Variants in PIAS1 observed in about 807,000 individuals in gnomAD.
PIAS1 encodes the protein E3 SUMO-protein ligase PIAS1.
A neutral mutation model predicts 71.3 loss-of-function variants in PIAS1; 6 were observed. The observed-to-expected ratio is 0.08, with a 90% CI of 0.05 to 0.17. PIAS1 has a LOEUF of 0.17. PIAS1 is among the 10% of genes least tolerant of loss of function. PIAS1 has a pLI of 1.00. For missense variants in PIAS1, 555 were observed against 793.6 expected (o/e 0.70, Z 3.61); for synonymous variants, 303 against 292.9 (o/e 1.03, Z -0.35).
At chr15:68,110,596 C>G (rs564045916) in intron 2 of PIAS1, among the ~76,000 whole-genome samples, 26 of 151,440 alleles carry the variant, frequency 1.7e-4, no homozygotes, top group Admixed American at 5.9e-4. Context: ...AACTTCTTCT[C>G]CAAAAAGAAA....
At chr15:68,142,263 T>C (rs762198883) in intron 3 of PIAS1, 27 bp from the exon 4 acceptor site, 17 of 1,574,848 alleles carry the variant, frequency 1.1e-5, no homozygotes, top group African/African-American at 1.3e-5. Flanking sequence ...TTAAAAGTAA[T>C]TGTAATTCCT....
rs953521278 is a variant in PIAS1, at chr15:68,187,948, T to G, written c.*113T>G. Reference sequence around the variant, plus strand: ...CTGTTTAGAAAAGTATACAAGCGTGTTTTTTTTCCTTTTTTTAGGGAAAAA... The same window carrying G: ...CTGTTTAGAAAAGTATACAAGCGTGGTTTTTTTCCTTTTTTTAGGGAAAAA... On this transcript the variant is annotated 3_prime_UTR_variant, in exon 14 of 14. Transcript: ENST00000249636. This position sits in a 1 kb window ranked among gnomAD's most constrained non-coding sequence, Gnocchi z 5.3. 14 of 905,386 alleles carry G rather than the reference T, an allele frequency of 1.5e-5. No individual in the cohort carries two copies. The highest frequency in any genetic ancestry group is 2.7e-5 in the East Asian group (1 of 37,550). The allele number at this position is 905,386 out of a possible 1,614,324, so 56.1% of individuals were successfully genotyped here. A position where few individuals can be genotyped will look rare whatever the true frequency, so the allele number is the denominator to read the frequency against.
intron 1 of PIAS1, among the ~76,000 whole-genome samples, chr15:68,062,468 C>G (rs1237173338): frequency 6.6e-6 from 1 of 152,182 alleles, no homozygotes; most frequent in Non-Finnish European, 1.5e-5. Flanking sequence ...ACAATCAGTT[C>G]TAGAATATTT....
intron 2 of PIAS1, among the ~76,000 whole-genome samples, chr15:68,097,958 T>C (rs560325942): frequency 2.4e-4 from 37 of 152,336 alleles, no homozygotes; most frequent in African/African-American, 7.9e-4. Context: ...ATTCTGAATT[T>C]TATTTTTGTT....
chr15:68,072,397 C>T (rs1183273581), intron 1 of PIAS1, among the ~76,000 whole-genome samples: 6 of 62,832 alleles, frequency 9.5e-5, no homozygotes, highest in Non-Finnish European at 1.5e-4. Context: ...GAGACTCCAT[C>T]TCAAAAAAAA....
rs575788062 is a variant in PIAS1, at chr15:68,092,707, GTTTGCCCCCTTTCA to G, written c.469+5972_469+5985del. ...TTATAAAAGAGGCTCCAAGGAGCTT[GTTTGCCCCCTTTCA>G]TTTGCCCCCTTTCACCCTGTGAGGA... On this transcript the variant is annotated intron_variant, in intron 2 of 13. Transcript: ENST00000249636. Among the ~76,000 whole-genome samples the G allele has an allele frequency of 4.3e-4, 66 of 152,272 alleles. 1 individual carries two copies. The East Asian group carries it at 9.7e-3, about 22-fold the overall frequency.
chr15:68,163,672 G>A (rs1351767451), intron 7 of PIAS1, among the ~76,000 whole-genome samples: 2 of 152,194 alleles, frequency 1.3e-5, no homozygotes, highest in Non-Finnish European at 2.9e-5. Flanking sequence ...TATCAGAACA[G>A]TAGACTCTGA....
At chr15:68,120,771 C>T (rs949224972) in intron 2 of PIAS1, among the ~76,000 whole-genome samples, 9 of 152,162 alleles carry the variant, frequency 5.9e-5, no homozygotes, top group African/African-American at 2.2e-4. Flanking sequence ...TCTCCTGCCT[C>T]AGACTCCCAA....
At chr15:68,073,397 C>CA (rs1363810037) in intron 1 of PIAS1, among the ~76,000 whole-genome samples, 2 of 152,154 alleles carry the variant, frequency 1.3e-5, no homozygotes, top group African/African-American at 2.4e-5. Flanking sequence ...CGTTGTTACT[C>CA]ATATTTATTA....
intron 2 of PIAS1, among the ~76,000 whole-genome samples, chr15:68,110,540 G>T (rs2092514419): frequency 6.6e-6 from 1 of 152,088 alleles, no homozygotes; most frequent in Admixed American, 6.5e-5. Context: ...AGGTTGCAGT[G>T]AGGCAAGATC....
rs2092962214 is a variant in PIAS1, at chr15:68,167,079, G to T, written c.1008+2275G>T. 6.6e-6 allele frequency among the ~76,000 whole-genome samples: 1 copy of T among 152,032 alleles called. No individual in the cohort carries two copies. The highest frequency in any genetic ancestry group is 2.4e-5 in the African/African-American group (1 of 41,384). ...TGGCCTCAAGCAATCCTCCTGCCTT[G>T]GCCTCCCTTGGGATTACAGGCGTGA... On this transcript the variant is annotated intron_variant, in intron 8 of 13. Coordinates refer to ENST00000249636, the MANE Select transcript of PIAS1 (RefSeq NM_016166.3). This position sits in a 1 kb window ranked among gnomAD's most constrained non-coding sequence, Gnocchi z 4.4.
At chr15:68,169,534 A>G (rs1358682287) in intron 8 of PIAS1, among the ~76,000 whole-genome samples, 1 of 152,200 alleles carries the variant, frequency 6.6e-6, no homozygotes, top group Non-Finnish European at 1.5e-5. Flanking sequence ...TTAGCCAGGC[A>G]TGGTGGCACC....
chr15:68,104,309 G>A (rs2092452020), intron 2 of PIAS1, among the ~76,000 whole-genome samples: 1 of 152,054 alleles, frequency 6.6e-6, no homozygotes, highest in South Asian at 2.1e-4. Context: ...TCTGACCTCT[G>A]TGATATGAAT....
chr15:68,147,873 T>C (rs1018333989), intron 6 of PIAS1, among the ~76,000 whole-genome samples: 1 of 150,868 alleles, frequency 6.6e-6, no homozygotes, highest in African/African-American at 2.4e-5. Context: ...GTGTTTCTGA[T>C]CTTTTTCTAT....
At chr15:68,066,565 C>T (rs1168538078) in intron 1 of PIAS1, among the ~76,000 whole-genome samples, 3 of 151,802 alleles carry the variant, frequency 2.0e-5, no homozygotes, top group African/African-American at 4.8e-5. Flanking sequence ...TTTTCCTTTC[C>T]CTTTTGTGGG....
chr15:68,137,152 C>G (rs2092739594), intron 2 of PIAS1, among the ~76,000 whole-genome samples: 1 of 152,006 alleles, frequency 6.6e-6, no homozygotes, highest in African/African-American at 2.4e-5. Flanking sequence ...ACTTTTTGAC[C>G]CTGAAATCTC....
rs2092279864 is a variant in PIAS1, at chr15:68,086,169, A to G, written c.25-137A>G. The G allele has an allele frequency of 1.7e-6, 1 of 583,048 alleles. No homozygotes were observed. The highest frequency in any genetic ancestry group is 2.9e-6 in the Non-Finnish European group (1 of 339,662). The allele number at this position is 583,048 out of a possible 1,614,324, so 36.1% of individuals were successfully genotyped here. ...GTTAAATGATTAAATTTGAAGTTTG[A>G]AATAATAGGATTATAAGTGAGCTGG... is the stretch of plus-strand genomic sequence containing the variant. On this transcript the variant is annotated intron_variant, in intron 1 of 13. Transcript: ENST00000249636. This position sits in a 1 kb window ranked among gnomAD's most constrained non-coding sequence, Gnocchi z 7.2.
chr15:68,137,621 T>C (rs970229935), intron 2 of PIAS1, among the ~76,000 whole-genome samples: 3 of 152,084 alleles, frequency 2.0e-5, no homozygotes, highest in Non-Finnish European at 4.4e-5. Context: ...GATGTACAGA[T>C]TGAGTTCCAG....
chr15:68,164,952 C>CA (rs1179474824), intron 8 of PIAS1, 148 bp downstream of exon 8: 22 of 553,594 alleles, frequency 4.0e-5, no homozygotes, highest in Non-Finnish European at 4.5e-5. Context: ...GACATCTAGG[C>CA]ATTGCATTTG....
Sources: allele counts gnomAD v4.1 joint callset (sites outside exome capture counted in the v4.1 genomes callset), GRCh38; gene constraint gnomAD v4.1.1; non-coding constraint Gnocchi (gnomAD v3.1); transcripts MANE v1.5; gene names NCBI Gene and HGNC (gene_info 2026-07-23, HGNC 2026-07-21).